The following DTNB variants were observed in gnomAD, a reference collection of about 807,000 sequenced individuals.
DTNB encodes the protein DTN-B.
A neutral mutation model predicts 90.7 loss-of-function variants in DTNB; 63 were observed. That is an observed-to-expected ratio of 0.69 (90% CI 0.57 to 0.86). The LOEUF (loss-of-function observed/expected upper bound fraction) is 0.86, where lower values mean the gene tolerates loss of function less well. Ranked by LOEUF, DTNB falls within the 40% of genes least tolerant of loss-of-function variation. DTNB has a pLI of 0.00. For missense variants in DTNB, 744 were observed against 807.1 expected (o/e 0.92, Z 0.95); for synonymous variants, 277 against 286.7 (o/e 0.97, Z 0.34).
chr2:25,384,191 C>G (rs537795300), intron 18 of DTNB, among the ~76,000 whole-genome samples: 175 of 152,300 alleles, frequency 1.1e-3, no homozygotes, highest in African/African-American at 3.9e-3. Context: ...TGCCTGTCTG[C>G]CCTCAGGTGG....
chr2:25,627,725 G>A (rs1456217032), intron 4 of DTNB, among the ~76,000 whole-genome samples: 5 of 149,380 alleles, frequency 3.3e-5, no homozygotes, highest in South Asian at 2.1e-4. Flanking sequence ...GGCTTACACC[G>A]AATAATTTTC....
At chr2:25,499,660 A>G (rs546774821) in intron 9 of DTNB, among the ~76,000 whole-genome samples, 45 of 152,324 alleles carry the variant, frequency 3.0e-4, no homozygotes, top group Non-Finnish European at 5.3e-4. Flanking sequence ...TTTAAATAAT[A>G]CTTATCATAA....
intron 10 of DTNB, among the ~76,000 whole-genome samples, chr2:25,481,187 C>T (rs1429528930): frequency 2.0e-5 from 3 of 151,618 alleles, no homozygotes; most frequent in Admixed American, 1.3e-4. Flanking sequence ...CACTTGAGAT[C>T]AGGAGTTTGA....
chr2:25,470,161 G>A (rs2062526345), intron 10 of DTNB, among the ~76,000 whole-genome samples: 3 of 152,172 alleles, frequency 2.0e-5, no homozygotes, highest in Non-Finnish European at 4.4e-5. Flanking sequence ...AAGTCCTGAA[G>A]TGTGAAGAAA....
intron 9 of DTNB, among the ~76,000 whole-genome samples, chr2:25,527,473 A>G (rs2077388997): frequency 6.6e-6 from 1 of 152,054 alleles, no homozygotes; most frequent in South Asian, 2.1e-4. Context: ...CAGTGAGCTG[A>G]GATTGCCACT....
chr2:25,613,523 T>C (rs2148577931), intron 4 of DTNB, among the ~76,000 whole-genome samples: 1 of 152,316 alleles, frequency 6.6e-6, no homozygotes, highest in Non-Finnish European at 1.5e-5. Context: ...CCTGCATTAA[T>C]TTGTTTAGGA....
intron 6 of DTNB, among the ~76,000 whole-genome samples, chr2:25,591,475 T>C (rs1282481959): frequency 6.6e-6 from 1 of 152,214 alleles, no homozygotes; most frequent in African/African-American, 2.4e-5. Flanking sequence ...TAGCATCTCC[T>C]TTCTAAGGAG....
At chr2:25,451,725 A>G in intron 11 of DTNB, 90 bp from the exon 12 acceptor site, 5 of 1,267,118 alleles carry the variant, frequency 3.9e-6, no homozygotes, top group Non-Finnish European at 5.2e-6. Context: ...AGAAAAGCTC[A>G]TAAAAGAATG....
At chr2:25,587,062 T>C (rs936699338) in intron 6 of DTNB, among the ~76,000 whole-genome samples, 4 of 151,982 alleles carry the variant, frequency 2.6e-5, no homozygotes, top group African/African-American at 9.7e-5. Context: ...GATCCCATGG[T>C]ATGCTAAGGG....
At chr2:25,521,880 A>G (rs2076200000) in intron 9 of DTNB, among the ~76,000 whole-genome samples, 1 of 152,252 alleles carries the variant, frequency 6.6e-6, no homozygotes, top group East Asian at 1.9e-4. Flanking sequence ...AGCGGAAGAC[A>G]CTGGGCTCTT....
chr2:25,662,423 T>C (rs983607358), intron 1 of DTNB, among the ~76,000 whole-genome samples: 2 of 152,046 alleles, frequency 1.3e-5, no homozygotes, highest in Non-Finnish European at 2.9e-5. Flanking sequence ...TACAAGAGAA[T>C]ACATAAAAAA....
intron 20 of DTNB, 31 bp downstream of exon 20, chr2:25,379,259 C>T (rs576895740): frequency 1.0e-4 from 138 of 1,317,552 alleles, no homozygotes; most frequent in Non-Finnish European, 1.3e-4. Context: ...AGGGAGGGGC[C>T]GTGGGGAGGC....
intron 1 of DTNB, among the ~76,000 whole-genome samples, chr2:25,653,656 C>A (rs2081491449): frequency 6.6e-6 from 1 of 151,682 alleles, no homozygotes; most frequent in Admixed American, 6.6e-5. Flanking sequence ...GGATTACAGG[C>A]ACGCACCACC....
At chr2:25,506,654 CT>C (rs1435930100) in intron 9 of DTNB, among the ~76,000 whole-genome samples, 1 of 152,092 alleles carries the variant, frequency 6.6e-6, no homozygotes, top group Non-Finnish European at 1.5e-5. Flanking sequence ...ATTCTATGCA[CT>C]TAGCAAAATA....
intron 16 of DTNB, among the ~76,000 whole-genome samples, chr2:25,404,830 G>C (rs1005515487): frequency 1.3e-5 from 2 of 152,160 alleles, no homozygotes; most frequent in Non-Finnish European, 2.9e-5. Flanking sequence ...ACTCCAGCCT[G>C]GGTGACAAGA....
chr2:25,483,011 A>T, intron 9 of DTNB, 138 bp from the exon 10 acceptor site: 1 of 790,314 alleles, frequency 1.3e-6, no homozygotes, highest in Admixed American at 4.0e-5. Flanking sequence ...GAGGGGGGGG[A>T]CCCATGGGGA....
At chr2:25,558,347 C>T (rs1028464742) in intron 8 of DTNB, 1 of 985,298 alleles carries the variant, frequency 1.0e-6, no homozygotes, top group African/African-American at 1.7e-5. Context: ...ACAGAGAACA[C>T]AGTGATCTTC....
chr2:25,384,373 G>C (rs1294988318), intron 18 of DTNB, among the ~76,000 whole-genome samples: 1 of 152,212 alleles, frequency 6.6e-6, no homozygotes, highest in African/African-American at 2.4e-5. Flanking sequence ...GTGGCTATGT[G>C]GGAAGTGCTA....
chr2:25,388,439 A>T (rs912367636), intron 16 of DTNB, 78 bp from the exon 17 acceptor site: 43 of 1,494,684 alleles, frequency 2.9e-5, no homozygotes, highest in Non-Finnish European at 3.5e-5. Context: ...CTTTTTCTCC[A>T]TCAACCAGAG....
Sources: allele counts gnomAD v4.1 joint callset (sites outside exome capture counted in the v4.1 genomes callset), GRCh38; gene constraint gnomAD v4.1.1; transcripts MANE v1.5; gene names NCBI Gene and HGNC (gene_info 2026-07-23, HGNC 2026-07-21).